Variants in AQR observed in about 807,000 individuals in gnomAD.
The protein encoded by AQR is aquarius intron-binding spliceosomal factor.
In AQR, 61 loss-of-function variants were observed where a neutral mutation model predicts 180.5. The ratio of observed to expected loss-of-function variants is 0.34; its 90% confidence interval spans 0.28 to 0.42. AQR has a LOEUF of 0.42. AQR is among the 10% of genes least tolerant of loss of function. The pLI is 1.00. For synonymous variants in AQR, 551 were observed against 588.8 expected (o/e 0.94, Z 0.93); for missense variants, 1,281 against 1,798.3 (o/e 0.71, Z 5.20).
chr15:34,879,099 A>G (rs137995683), intron 27 of AQR, among the ~76,000 whole-genome samples: 29 of 152,284 alleles, frequency 1.9e-4, no homozygotes, highest in African/African-American at 7.0e-4. Flanking sequence ...AAAGGTGATG[A>G]ACTGAACACA....
At position 34,873,806 on chromosome 15, in the gene AQR, T is replaced by C. The variant is rs201986214; in HGVS notation, c.3597+22A>G. 351 of 1,536,250 alleles carry C rather than the reference T, an allele frequency of 2.3e-4. 1 individual carries two copies. The East Asian group carries it at 6.6e-3, about 29-fold the overall frequency. On this transcript the variant is annotated intron_variant, in intron 30 of 34. Transcript: ENST00000156471. ...AGCCAGCAAATGCAAAATAAACTTA[T>C]AAGCTTCCTATTTTTTCTTACCTGA...
At chr15:34,872,151 T>TA (rs1385057379) in intron 30 of AQR, among the ~76,000 whole-genome samples, 1 of 152,108 alleles carries the variant, frequency 6.6e-6, no homozygotes, top group Non-Finnish European at 1.5e-5. Context: ...GCATTAACAA[T>TA]AAAACAACAT....
Position 34,955,972 on chromosome 15 carries a change from A to C in AQR, c.174-3052T>G, listed in dbSNP as rs560563666. The stretch of plus-strand genomic sequence containing the variant: ...ACATAGTGTGTGATTCTATTTATTT[A>C]TTTAAAGTTGAAAAAGAACCAAAAT... On this transcript the variant is annotated intron_variant, in intron 3 of 34. Transcript: ENST00000156471. 2.0e-5 allele frequency among the ~76,000 whole-genome samples: 3 copies of C among 151,910 alleles called. No individual in the cohort carries two copies. In the East Asian group the frequency reaches 5.8e-4, roughly 29 times the overall value.
rs546077594 is a variant in AQR, at chr15:34,961,340, G to A, written c.133-526C>T. Among the ~76,000 whole-genome samples the A allele has an allele frequency of 7.2e-5, 11 of 152,146 alleles. No homozygotes were observed. The South Asian group carries it at 2.1e-3, about 29-fold the overall frequency. On this transcript the variant is annotated intron_variant, in intron 2 of 34. Coordinates refer to ENST00000156471, the MANE Select transcript of AQR (RefSeq NM_014691.3). ...AAGAATTCAGACTCTGGCCAGGCAC[G>A]GTGGCTCACGACTGTAATCCGAGCA...
intron 23 of AQR, among the ~76,000 whole-genome samples, chr15:34,892,550 C>A (rs955120570): frequency 1.3e-5 from 2 of 152,192 alleles, no homozygotes; most frequent in African/African-American, 4.8e-5. Context: ...ATATATCTCT[C>A]AATGTCATCT....
At chr15:34,914,554 A>C (rs1001277292) in intron 16 of AQR, among the ~76,000 whole-genome samples, 19 of 152,210 alleles carry the variant, frequency 1.2e-4, no homozygotes, top group Non-Finnish European at 2.5e-4. Flanking sequence ...GGCAATGTGC[A>C]GCAACAGCCC....
chr15:34,908,190 G>A (rs975392584), intron 17 of AQR, among the ~76,000 whole-genome samples: 1 of 152,134 alleles, frequency 6.6e-6, no homozygotes, highest in Non-Finnish European at 1.5e-5. Context: ...GGTGGCTCAC[G>A]CCTGTAATCC....
At chr15:34,957,725 AAATAAT>A (rs947959924) in intron 3 of AQR, among the ~76,000 whole-genome samples, 4 of 104,652 alleles carry the variant, frequency 3.8e-5, no homozygotes, top group African/African-American at 8.2e-5. Flanking sequence ...AAAAACATAA[AAATAAT>A]AATAATAATA....
At chr15:34,947,234 CAT>C (rs1399645115) in intron 5 of AQR, among the ~76,000 whole-genome samples, 2 of 151,836 alleles carry the variant, frequency 1.3e-5, no homozygotes, top group African/African-American at 2.4e-5. Flanking sequence ...CTCTGTGAAA[CAT>C]GTGCTGTATC....
rs1428432995 is a variant in AQR at position 34,940,398 on chromosome 15, C to T, written c.641+501G>A. On this transcript the variant is annotated intron_variant, in intron 8 of 34. Transcript: ENST00000156471. The stretch of plus-strand genomic sequence containing the variant: ...ATACAAAATTAGCCAGGCGTGGTGG[C>T]GCATGCCTGTAATCCCCTCTACTCA... 3.9e-5 allele frequency among the ~76,000 whole-genome samples: 6 copies of T among 152,226 alleles called. No individual in the cohort carries two copies. In the East Asian group the frequency reaches 9.7e-4, roughly 25 times the overall value.
At chr15:34,909,519 A>G (rs576392202) in intron 17 of AQR, among the ~76,000 whole-genome samples, 1 of 152,322 alleles carries the variant, frequency 6.6e-6, no homozygotes, top group East Asian at 1.9e-4. Context: ...CCTTGACTAC[A>G]TTTGACTTCA....
Position 34,964,285 on chromosome 15 carries a change from T to G in AQR, c.81A>C (p.Ala27=). ...TGATGTGGGGAGCCCAGTATTTACA[T>G]GCTAACTGCAAAGTAAACAGTATAA... is the stretch of plus-strand genomic sequence containing the variant. The part of the protein sequence containing the change: ...QINAEFVTQL[A]CKYWAPHIKK... Residue 27 remains alanine (A), a synonymous_variant, in exon 2 of 35, where the codon GCA becomes GCC. Coordinates refer to ENST00000156471, the MANE Select transcript of AQR (RefSeq NM_014691.3). 6.2e-7 allele frequency: 1 copy of G among 1,605,268 alleles called. No individual in the cohort carries two copies. The highest frequency in any genetic ancestry group is 8.5e-7 in the Non-Finnish European group (1 of 1,173,486).
chr15:34,963,153 A>T (rs1481927948), intron 2 of AQR, among the ~76,000 whole-genome samples: 2 of 151,560 alleles, frequency 1.3e-5, no homozygotes, highest in East Asian at 3.9e-4. Context: ...CAATTTTTTT[A>T]ATTTTTTTGT....
intron 2 of AQR, among the ~76,000 whole-genome samples, chr15:34,961,042 T>C (rs2050273194): frequency 6.6e-6 from 1 of 152,170 alleles, no homozygotes; most frequent in African/African-American, 2.4e-5. Context: ...GAGCCCTAGA[T>C]TCATTAAAAT....
rs201701152 is a variant in AQR at position 34,918,345 on chromosome 15, G to C, written c.1255C>G (p.Gln419Glu). ...TACAAAGGCATCTGGTTCAACTGCT[G>C]AATCTGAGAAATTCGACGTTCATGA... ...SRHERRISQIQQLNQMPLYPT... is the reference protein window; with the variant it reads ...SRHERRISQIEQLNQMPLYPT... Residue 419 changes from glutamine to glutamate, a missense_variant, in exon 15 of 35, where the codon CAG (glutamine) becomes GAG (glutamate). By Grantham distance (29) the Gln-to-Glu change is conservative. This residue lies in a region of AQR where 404 missense variants were observed against 490.9 expected (regional missense o/e 0.82). Coordinates refer to ENST00000156471, the MANE Select transcript of AQR (RefSeq NM_014691.3). The C allele has an allele frequency of 6.2e-7, 1 of 1,613,608 alleles. No individual in the cohort carries two copies. The highest frequency in any genetic ancestry group is 2.2e-5 in the East Asian group (1 of 44,822).
chr15:34,871,876 CTT>C (rs1892823481), intron 30 of AQR, among the ~76,000 whole-genome samples: 1 of 151,088 alleles, frequency 6.6e-6, no homozygotes, highest in Admixed American at 6.6e-5. Flanking sequence ...ACACAAAGCT[CTT>C]TGGTCCAGTT....
chr15:34,902,822 T>A lies in AQR; in HGVS notation c.2001+1514A>T, dbSNP rs1163720746. On this transcript the variant is annotated intron_variant, in intron 19 of 34. Transcript: ENST00000156471. ...CCTTCGATCACTCAATAAATGTTTATTAAGAACATACTATATAACAGGCAC... is the reference window on the plus strand; with the variant it reads ...CCTTCGATCACTCAATAAATGTTTAATAAGAACATACTATATAACAGGCAC... 2.6e-5 allele frequency among the ~76,000 whole-genome samples: 4 copies of A among 152,146 alleles called. No homozygotes were observed. The South Asian group carries it at 6.2e-4, about 24-fold the overall frequency.
chr15:34,877,579 T>C (rs1365555676), intron 27 of AQR, among the ~76,000 whole-genome samples: 2 of 151,684 alleles, frequency 1.3e-5, no homozygotes, highest in African/African-American at 4.8e-5. Flanking sequence ...ATAACAGGTA[T>C]AATATGCAAA....
chr15:34,916,584 C>T lies in AQR; in HGVS notation c.1343-1405G>A, dbSNP rs143573554. On this transcript the variant is annotated intron_variant, in intron 15 of 34. Coordinates refer to ENST00000156471, the MANE Select transcript of AQR (RefSeq NM_014691.3). ...TTTAAAAAAATGACAACTAAAATGTCACCACTTTGCAACACTCACTGAATT... is the reference window on the plus strand; with the variant it reads ...TTTAAAAAAATGACAACTAAAATGTTACCACTTTGCAACACTCACTGAATT... Among the ~76,000 whole-genome samples, 49 of 151,870 alleles carry T rather than the reference C, an allele frequency of 3.2e-4. No homozygotes were observed. The East Asian group carries it at 9.1e-3, about 28-fold the overall frequency.
Sources: gnomAD v4.1 joint callset for allele counts (sites outside exome capture counted in the v4.1 genomes callset) on GRCh38, gnomAD v4.1.1 for gene constraint, gnomAD v4.1.1 regional missense constraint, MANE v1.5 for transcripts, NCBI Gene and HGNC (gene_info 2026-07-23, HGNC 2026-07-21) for gene names.